ANGPT1: variants seen among roughly 807,000 people sequenced by gnomAD.
The protein encoded by ANGPT1 is angiopoietin 1.
In ANGPT1, 17 loss-of-function variants were observed where a neutral mutation model predicts 62.2. That is an observed-to-expected ratio of 0.27 (90% confidence interval 0.19 to 0.41). The LOEUF (loss-of-function observed/expected upper bound fraction) is 0.41, where lower values mean the gene tolerates loss of function less well. Among genes scored for constraint, ANGPT1 ranks in the 10% least tolerant of loss-of-function variants. ANGPT1 has a pLI of 1.00. For synonymous variants in ANGPT1, 199 were observed against 198.9 expected (o/e 1.00, Z 0.00); for missense variants, 478 against 594.9 (o/e 0.80, Z 2.04).
At chr8:107,490,258 C>T (rs1038751032) in intron 1 of ANGPT1, among the ~76,000 whole-genome samples, 1 of 152,206 alleles carries the variant, frequency 6.6e-6, no homozygotes, top group Non-Finnish European at 1.5e-5. Context: ...TGTCAGCATT[C>T]TTGCTAATGC....
At chr8:107,347,294 A>G (rs1395418638) in intron 1 of ANGPT1, among the ~76,000 whole-genome samples, 197 bp from the exon 2 acceptor site, 1 of 152,156 alleles carries the variant, frequency 6.6e-6, no homozygotes, top group Non-Finnish European at 1.5e-5. Context: ...TAATATACTG[A>G]TACATATATT....
At position 107,284,857 on chromosome 8, in the gene ANGPT1, C is replaced by T. The variant is rs1814101727; in HGVS notation, c.1039-9G>A. 6.3e-7 allele frequency: 1 copy of T among 1,583,650 alleles called. No homozygotes were observed. The highest frequency in any genetic ancestry group is 8.6e-7 in the Non-Finnish European group (1 of 1,161,450). On this transcript the variant is annotated splice_polypyrimidine_tract_variant and intron_variant, in intron 6 of 8. Transcript: ENST00000517746. Reference sequence around the variant, plus strand: ...GAGGGATTTCCAAAACCCTGGGAAACAATATAGAGATGCAGTTGTTACTTT... The same window carrying T: ...GAGGGATTTCCAAAACCCTGGGAAATAATATAGAGATGCAGTTGTTACTTT...
intron 1 of ANGPT1, among the ~76,000 whole-genome samples, chr8:107,468,590 A>G (rs1812266981): frequency 6.6e-6 from 1 of 152,082 alleles, no homozygotes; most frequent in Non-Finnish European, 1.5e-5. Flanking sequence ...AAGGTTATAG[A>G]GTATAGTTAC....
rs1268428010 is a variant in ANGPT1, at chr8:107,249,772, T to C, written c.*2083A>G. 6.6e-6 allele frequency: 1 copy of C among 152,194 alleles called. No homozygotes were observed. The highest frequency in any genetic ancestry group is 1.5e-5 in the Non-Finnish European group (1 of 68,022). The allele number at this position is 152,194 out of a possible 1,614,324, so 9.4% of individuals were successfully genotyped here. Reference sequence around the variant, plus strand: ...CAGTAAATATCATGCTTTCTTTTTTTATTATTTTATTTTGTTTTTGTAATA... The same window carrying C: ...CAGTAAATATCATGCTTTCTTTTTTCATTATTTTATTTTGTTTTTGTAATA... On this transcript the variant is annotated 3_prime_UTR_variant, in exon 9 of 9. Coordinates refer to ENST00000517746, the MANE Select transcript of ANGPT1 (RefSeq NM_001146.5).
chr8:107,342,782 TACACACACACACACACAC>T (rs751210643), intron 2 of ANGPT1, among the ~76,000 whole-genome samples: 5,537 of 138,620 alleles, frequency 0.04, 272 homozygotes, highest in African/African-American at 0.12. Flanking sequence ...AACTGCCTAA[TACACACACACACACACAC>T]ACACACACAC....
chr8:107,442,260 T>A (rs1479018104), intron 1 of ANGPT1, among the ~76,000 whole-genome samples: 1 of 152,206 alleles, frequency 6.6e-6, no homozygotes, highest in South Asian at 2.1e-4. Flanking sequence ...CTATTGAATA[T>A]CTGTGGCAAT....
At chr8:107,338,999 T>C (rs1384196924) in intron 2 of ANGPT1, among the ~76,000 whole-genome samples, 1 of 152,230 alleles carries the variant, frequency 6.6e-6, no homozygotes, top group Non-Finnish European at 1.5e-5. Context: ...TTATTCGCCG[T>C]ACTCTCTGAT....
At chr8:107,408,606 TGA>T (rs1817198166) in intron 1 of ANGPT1, among the ~76,000 whole-genome samples, 1 of 152,140 alleles carries the variant, frequency 6.6e-6, no homozygotes, top group Non-Finnish European at 1.5e-5. Context: ...ACTTCAGCAA[TGA>T]AAGATGTTTA....
chr8:107,445,311 A>G (rs1394775845), intron 1 of ANGPT1, among the ~76,000 whole-genome samples: 2 of 152,174 alleles, frequency 1.3e-5, no homozygotes, highest in Admixed American at 1.3e-4. Flanking sequence ...AAATCATTGT[A>G]TTTGGATGCA....
intron 1 of ANGPT1, among the ~76,000 whole-genome samples, chr8:107,447,201 A>G (rs184849918): frequency 6.6e-6 from 1 of 152,152 alleles, no homozygotes. Flanking sequence ...TTTCCCCTAG[A>G]TTATATTTTC....
chr8:107,268,018 G>A (rs1247817131), intron 7 of ANGPT1, among the ~76,000 whole-genome samples: 2 of 152,034 alleles, frequency 1.3e-5, no homozygotes, highest in East Asian at 3.9e-4. Context: ...GCATCTTCAT[G>A]ATGACACTTA....
chr8:107,351,466 G>A (rs912536640), intron 1 of ANGPT1, among the ~76,000 whole-genome samples: 11 of 152,020 alleles, frequency 7.2e-5, no homozygotes, highest in Admixed American at 1.3e-4. Flanking sequence ...AGAGTTGCGG[G>A]AAGTGTTCTG....
chr8:107,350,807 A>G (rs1163180577), intron 1 of ANGPT1, among the ~76,000 whole-genome samples: 2 of 152,124 alleles, frequency 1.3e-5, no homozygotes, highest in Non-Finnish European at 2.9e-5. Context: ...GTTGATTTAA[A>G]GGCTGGAGCA....
intron 1 of ANGPT1, among the ~76,000 whole-genome samples, chr8:107,491,772 A>G (rs988378175): frequency 3.9e-5 from 6 of 152,166 alleles, no homozygotes; most frequent in African/African-American, 1.4e-4. Flanking sequence ...TTTTATTCCT[A>G]TGTAATGAGA....
At chr8:107,449,400 G>A (rs147460367) in intron 1 of ANGPT1, among the ~76,000 whole-genome samples, 1 of 148,106 alleles carries the variant, frequency 6.8e-6, no homozygotes, top group Admixed American at 6.8e-5. Flanking sequence ...ACACACACAT[G>A]CACACACACA....
intron 1 of ANGPT1, among the ~76,000 whole-genome samples, chr8:107,396,794 A>C (rs1816945737): frequency 6.6e-6 from 1 of 151,994 alleles, no homozygotes; most frequent in Admixed American, 6.6e-5. Flanking sequence ...AAGTGCTAGG[A>C]TTATAGGTGT....
At chr8:107,445,266 C>T (rs1226796644) in intron 1 of ANGPT1, among the ~76,000 whole-genome samples, 1 of 151,986 alleles carries the variant, frequency 6.6e-6, no homozygotes, top group African/African-American at 2.4e-5. Context: ...CATCTCATTG[C>T]TTAGTGGATA....
chr8:107,307,419 A>T (rs1313779619), intron 4 of ANGPT1, among the ~76,000 whole-genome samples: 1 of 151,778 alleles, frequency 6.6e-6, no homozygotes, highest in African/African-American at 2.4e-5. Flanking sequence ...TGTAGAGTGT[A>T]TTGCAAATCT....
intron 1 of ANGPT1, among the ~76,000 whole-genome samples, chr8:107,356,200 T>C (rs1338230645): frequency 6.6e-6 from 1 of 152,252 alleles, no homozygotes; most frequent in East Asian, 1.9e-4. Flanking sequence ...CCATCTTGTC[T>C]TACTATGTCT....
Sources: gnomAD v4.1 joint callset for allele counts (sites outside exome capture counted in the v4.1 genomes callset) on GRCh38, gnomAD v4.1.1 for gene constraint, MANE v1.5 for transcripts, NCBI Gene and HGNC (gene_info 2026-07-23, HGNC 2026-07-21) for gene names.